Variants in CEP350 observed in about 807,000 individuals in gnomAD.
The protein encoded by CEP350 is centrosomal protein 350.
A neutral mutation model predicts 331.8 loss-of-function variants in CEP350; 126 were observed. The observed-to-expected ratio is 0.38, with a 90% confidence interval of 0.33 to 0.44. The LOEUF is 0.44. Ranked by LOEUF, CEP350 falls within the 20% of genes least tolerant of loss-of-function variation. The pLI is 1.00. For synonymous variants in CEP350, 1,200 were observed against 1,259.5 expected (o/e 0.95, Z 1.00); for missense variants, 3,406 against 3,634.6 (o/e 0.94, Z 1.62).
At chr1:179,959,764 A>G (rs933351658) in intron 1 of CEP350, among the ~76,000 whole-genome samples, 3 of 152,130 alleles carry the variant, frequency 2.0e-5, no homozygotes, top group African/African-American at 7.2e-5. Context: ...AAAACAGACA[A>G]ACAAACAAAA....
rs558763005 is a variant in CEP350 at position 179,967,605 on chromosome 1, T to TA, written c.-14+12463_-14+12464insA. ...TTTTGTATTTTTAATAGAGATGGGG[T>TA]TTCACCATGTTGGCCAGGCTGGTCT... On this transcript the variant is annotated intron_variant, in intron 1 of 37. Coordinates refer to ENST00000367607, the MANE Select transcript of CEP350 (RefSeq NM_014810.5). Among the ~76,000 whole-genome samples, 58 of 152,154 alleles carry TA rather than the reference T, an allele frequency of 3.8e-4. 2 individuals carry two copies. The East Asian group carries it at 8.3e-3, about 22-fold the overall frequency.
At chr1:180,015,455 C>T (rs1004205236) in intron 10 of CEP350, among the ~76,000 whole-genome samples, 8 of 151,972 alleles carry the variant, frequency 5.3e-5, no homozygotes, top group South Asian at 2.1e-4. Flanking sequence ...AGGATGGTCT[C>T]GATCTCCTGA....
intron 25 of CEP350, among the ~76,000 whole-genome samples, chr1:180,058,774 A>G (rs1658013977): frequency 6.6e-6 from 1 of 152,170 alleles, no homozygotes; most frequent in South Asian, 2.1e-4. Context: ...ACCCCTGAAA[A>G]GTTGCCTTAT....
At position 180,062,340 on chromosome 1, in the gene CEP350, T is replaced by C. The variant is rs139344293; in HGVS notation, c.5383T>C (p.Leu1795=). The change falls in exon 26 of 38, where the codon TTG becomes CTG. Residue 1795 remains leucine, a synonymous_variant. Transcript: ENST00000367607. The part of the protein sequence containing the change: ...RQTTIKLQEK[L]KSAGESKLDS... ...GACCACCATAAAACTACAGGAGAAA[T>C]TGAAGTCTGCAGGGGAGAGTAAATT... 34 of 1,609,058 alleles carry C rather than the reference T, an allele frequency of 2.1e-5. No homozygotes were observed. The highest frequency in any genetic ancestry group is 1.1e-4 in the African/African-American group (8 of 74,768).
chr1:180,025,245 T>G (rs978027575), intron 14 of CEP350, among the ~76,000 whole-genome samples: 2 of 152,144 alleles, frequency 1.3e-5, no homozygotes, highest in African/African-American at 2.4e-5. Context: ...TTGCAGTTGG[T>G]TTTTTAAAAA....
chr1:180,093,969 GAT>G lies in CEP350; in HGVS notation c.7868_7869del (p.Ile2623ArgfsTer5). 1 of 1,613,844 alleles carries G rather than the reference GAT, an allele frequency of 6.2e-7. No homozygotes were observed. On this transcript the variant is annotated frameshift_variant, in exon 34 of 38. Coordinates refer to ENST00000367607, the MANE Select transcript of CEP350 (RefSeq NM_014810.5). LOFTEE classifies it high-confidence loss of function. ...TGAGAAATCCCTACCTAGTGTGAAT[GAT>G]ATAGAAGCCTCAGTTAATAGAAGTA... Reference protein sequence around the residue: ...FYEKSLPSVNDIEASVNRSRS... With the variant: ...FYEKSLPSVNXIEASVNRSRS...
chr1:179,969,461 C>A, intron 1 of CEP350: 1 of 488,256 alleles, frequency 2.0e-6, no homozygotes. Flanking sequence ...TCTACAGCTC[C>A]CACTGCTCAG....
chr1:180,092,877 A>G lies in CEP350; in HGVS notation c.6772A>G (p.Ile2258Val). Residue 2258 changes from isoleucine to valine, a missense_variant, in exon 34 of 38, where the codon ATA becomes GTA. Physicochemically the swap from Ile to Val is conservative, Grantham distance 29. This residue lies in a region of CEP350 where 1,415 missense variants were observed against 1,512.3 expected (regional missense o/e 0.94). Coordinates refer to ENST00000367607, the MANE Select transcript of CEP350 (RefSeq NM_014810.5). ...KVGESSKKSE[I>V]KEIEYTKLKK... ...TGGAGAATCTAGTAAAAAATCAGAA[A>G]TAAAAGAAATAGAGTATACAAAATT... 6.4e-7 allele frequency: 1 copy of G among 1,567,216 alleles called. No homozygotes were observed. Among genetic ancestry groups the G allele is most frequent in the Non-Finnish European group, 8.7e-7 (1 of 1,154,844 alleles).
intron 1 of CEP350, among the ~76,000 whole-genome samples, chr1:179,976,403 G>A (rs1031760548): frequency 2.6e-5 from 4 of 152,116 alleles, no homozygotes; most frequent in Admixed American, 6.5e-5. Flanking sequence ...ATCTCTGAGA[G>A]GAACTGTCAT....
chr1:179,960,869 A>G (rs1650555341), intron 1 of CEP350, among the ~76,000 whole-genome samples: 1 of 152,112 alleles, frequency 6.6e-6, no homozygotes, highest in Admixed American at 6.6e-5. Context: ...TGTGGACTGA[A>G]CTACTTAGTA....
intron 1 of CEP350, among the ~76,000 whole-genome samples, chr1:179,964,353 A>G (rs767377738): frequency 1.1e-4 from 16 of 152,040 alleles, no homozygotes; most frequent in Non-Finnish European, 1.5e-5. Flanking sequence ...GAGTCGTAAG[A>G]GTGCACATCC....
At chr1:179,957,430 C>CAG (rs2148514213) in intron 1 of CEP350, among the ~76,000 whole-genome samples, 1 of 152,110 alleles carries the variant, frequency 6.6e-6, no homozygotes, top group African/African-American at 2.4e-5. Context: ...TCATTGTTAT[C>CAG]ATAAGTGTGA....
chr1:180,003,100 C>A, intron 6 of CEP350, 74 bp from the exon 7 acceptor site: 1 of 935,588 alleles, frequency 1.1e-6, no homozygotes, highest in Non-Finnish European at 1.6e-6. Flanking sequence ...TTATATATCA[C>A]TTTAAAAAGT....
chr1:180,057,426 C>T (rs1657926007), intron 25 of CEP350, among the ~76,000 whole-genome samples: 2 of 151,848 alleles, frequency 1.3e-5, no homozygotes, highest in Admixed American at 1.3e-4. Flanking sequence ...ACTTATTATC[C>T]ATAGTTATTT....
intron 33 of CEP350, among the ~76,000 whole-genome samples, chr1:180,092,058 G>T (rs941702174): frequency 6.8e-6 from 1 of 146,222 alleles, no homozygotes; most frequent in East Asian, 2.0e-4. Context: ...AAAAAAAAAC[G>T]ATTTGAATTT....
rs1654800544 is a variant in CEP350, at chr1:180,013,770, ATTTTC to A, written c.1394-74_1394-70del. The stretch of plus-strand genomic sequence containing the variant: ...AAGTAAGATAAAATGAAATTCTCTA[ATTTTC>A]TTGTTAATGCAGTTAAATCTTAGGA... On this transcript the variant is annotated intron_variant, in intron 9 of 37. Transcript: ENST00000367607. 14 of 1,259,330 alleles carry A rather than the reference ATTTTC, an allele frequency of 1.1e-5. No individual in the cohort carries two copies. The South Asian group carries it at 2.0e-4, about 18-fold the overall frequency. The allele number at this position is 1,259,330 out of a possible 1,614,324, so 78.0% of individuals were successfully genotyped here.
Position 180,110,964 on chromosome 1 carries a change from A to T in CEP350, c.9190-33A>T, listed in dbSNP as rs1320552266. 3.2e-6 allele frequency: 5 copies of T among 1,586,488 alleles called. No homozygotes were observed. The South Asian group carries it at 5.6e-5, about 18-fold the overall frequency. On this transcript the variant is annotated intron_variant, in intron 37 of 37. Coordinates refer to ENST00000367607, the MANE Select transcript of CEP350 (RefSeq NM_014810.5). ...TATTTTCTAGCTTTTGTATGACAGGAATTTTCTAACCTTATTGTCTTCTAA... is the reference window on the plus strand; with the variant it reads ...TATTTTCTAGCTTTTGTATGACAGGTATTTTCTAACCTTATTGTCTTCTAA...
chr1:180,080,280 A>AT (rs1659486658), intron 29 of CEP350, among the ~76,000 whole-genome samples: 1 of 151,828 alleles, frequency 6.6e-6, no homozygotes, highest in East Asian at 1.9e-4. Flanking sequence ...CTCTTTTATA[A>AT]TTTTTTTCTA....
chr1:180,017,143 T>A (rs1273864475), intron 11 of CEP350, among the ~76,000 whole-genome samples: 1 of 152,180 alleles, frequency 6.6e-6, no homozygotes, highest in Admixed American at 6.5e-5. Context: ...ACAGAAGAGG[T>A]AATTGAGGCC....
Sources: gnomAD v4.1 joint callset for allele counts (sites outside exome capture counted in the v4.1 genomes callset) on GRCh38, gnomAD v4.1.1 for gene constraint, gnomAD v4.1.1 regional missense constraint, MANE v1.5 for transcripts, NCBI Gene and HGNC (gene_info 2026-07-23, HGNC 2026-07-21) for gene names.